The following ARFIP1 variants were observed in gnomAD, a reference collection of about 807,000 sequenced individuals.
The protein encoded by ARFIP1 is ARF interacting protein 1, also known as arfaptin-1.
In ARFIP1, 24 loss-of-function variants were observed where a neutral mutation model predicts 42.5. The ratio of observed to expected loss-of-function variants is 0.57; its 90% CI spans 0.41 to 0.80. ARFIP1 has a LOEUF of 0.80. ARFIP1 is among the 30% of genes least tolerant of loss of function. ARFIP1 has a pLI of 0.00. For synonymous variants in ARFIP1, 141 were observed against 153.7 expected (o/e 0.92, Z 0.61); for missense variants, 354 against 434.0 (o/e 0.82, Z 1.64).
intron 1 of ARFIP1, among the ~76,000 whole-genome samples, chr4:152,781,532 C>T (rs915560880): frequency 1.3e-5 from 2 of 152,206 alleles, no homozygotes; most frequent in Middle Eastern, 3.2e-3. Context: ...CCACCGCGCC[C>T]GGCCGAATTG....
intron 8 of ARFIP1, among the ~76,000 whole-genome samples, chr4:152,895,376 T>C (rs190320989): frequency 6.6e-6 from 1 of 152,094 alleles, no homozygotes; most frequent in Admixed American, 6.6e-5. Context: ...GATGGAGTGG[T>C]CTTTTTATTT....
In ARFIP1 at chr4:152,789,427, T is replaced by C. The variant is rs146623317; in HGVS notation, c.-10+9201T>C. 2.8e-3 allele frequency among the ~76,000 whole-genome samples: 420 copies of C among 152,286 alleles called. 3 individuals carry two copies. The highest frequency in any genetic ancestry group is 9.8e-3 in the African/African-American group (407 of 41,568). ...TATTAATATGACAGTACCATTGATA[T>C]TAACCTTGACTACTTGGCTTGAGAT... On this transcript the variant is annotated intron_variant, in intron 1 of 8. Coordinates refer to ENST00000353617, the MANE Select transcript of ARFIP1 (RefSeq NM_001025595.3).
intron 1 of ARFIP1, among the ~76,000 whole-genome samples, chr4:152,823,772 A>G (rs557476592): frequency 4.1e-5 from 3 of 72,396 alleles, no homozygotes; most frequent in Non-Finnish European, 7.3e-5. Context: ...GCAAGTCTCC[A>G]TCTCAAAAAA....
chr4:152,867,578 A>C (rs1406997295), intron 3 of ARFIP1, among the ~76,000 whole-genome samples: 1 of 152,186 alleles, frequency 6.6e-6, no homozygotes, highest in Admixed American at 6.5e-5. Context: ...TACTTGTAAA[A>C]GCAATCTTTT....
chr4:152,804,301 TATATATATATAACATAACATGTA>T, intron 1 of ARFIP1, among the ~76,000 whole-genome samples: 1 of 24,352 alleles, frequency 4.1e-5, no homozygotes. Flanking sequence ...TTATATATAT[TATATATATATAACATAACATGTA>T]TTATATATAT....
chr4:152,829,211 C>G (rs1280982031), intron 1 of ARFIP1, among the ~76,000 whole-genome samples: 7 of 152,168 alleles, frequency 4.6e-5, no homozygotes, highest in Non-Finnish European at 1.0e-4. Flanking sequence ...AGCTAGTGAT[C>G]TGTTACCAAC....
intron 1 of ARFIP1, among the ~76,000 whole-genome samples, chr4:152,813,843 G>GA (rs1228361063): frequency 6.6e-6 from 1 of 152,010 alleles, no homozygotes; most frequent in Non-Finnish European, 1.5e-5. Flanking sequence ...AGGCAAAAGG[G>GA]AAAAAATAGG....
chr4:152,832,233 A>G (rs1403505285), intron 2 of ARFIP1, among the ~76,000 whole-genome samples: 1 of 152,192 alleles, frequency 6.6e-6, no homozygotes, highest in African/African-American at 2.4e-5. Context: ...TAGTTGTTCC[A>G]CATCCTTACT....
At chr4:152,880,882 A>C in intron 5 of ARFIP1, 81 bp from the exon 6 acceptor site, 1 of 1,115,076 alleles carries the variant, frequency 9.0e-7, no homozygotes, top group East Asian at 2.4e-5. Flanking sequence ...TGAATCCAAA[A>C]AATGGTGTAT....
At chr4:152,811,384 T>C (rs888198614) in intron 1 of ARFIP1, among the ~76,000 whole-genome samples, 3 of 152,126 alleles carry the variant, frequency 2.0e-5, no homozygotes, top group Admixed American at 1.3e-4. Context: ...CATTATAGTG[T>C]GTGGTATCTC....
chr4:152,803,350 A>G (rs750482659), intron 1 of ARFIP1, among the ~76,000 whole-genome samples: 1 of 152,220 alleles, frequency 6.6e-6, no homozygotes, highest in African/African-American at 2.4e-5. Flanking sequence ...AATTTATAGC[A>G]TCAGGCAATT....
At chr4:152,890,616 G>A (rs1162758953) in intron 8 of ARFIP1, among the ~76,000 whole-genome samples, 2 of 152,112 alleles carry the variant, frequency 1.3e-5, no homozygotes, top group Non-Finnish European at 1.5e-5. Flanking sequence ...GACAGGGGTC[G>A]GAAAACTAAA....
At position 152,795,820 on chromosome 4, in the gene ARFIP1, A is replaced by ATTTTTTTTTTTTTTT. The variant is rs56845391; in HGVS notation, c.-10+15612_-10+15626dup. ...CGATTGTTACTTGAGGGCCCTTGTA[A>ATTTTTTTTTTTTTTT]TTTTTTTTTTTTTTTTTTTTTTTTT... On this transcript the variant is annotated intron_variant, in intron 1 of 8. Coordinates refer to ENST00000353617, the MANE Select transcript of ARFIP1 (RefSeq NM_001025595.3). Among the ~76,000 whole-genome samples the ATTTTTTTTTTTTTTT allele has an allele frequency of 4.8e-3, 134 of 28,050 alleles. 8 individuals are homozygous for ATTTTTTTTTTTTTTT. The highest frequency in any genetic ancestry group is 6.2e-3 in the Non-Finnish European group (100 of 16,212). 18.4% of individuals were successfully genotyped at this position (28,050 alleles called of 152,430 possible). A position where few individuals can be genotyped will look rare whatever the true frequency, so the allele number is the denominator to read the frequency against.
At chr4:152,829,525 TA>T (rs201260045) in intron 1 of ARFIP1, 99 bp from the exon 2 acceptor site, 22,469 of 667,084 alleles carry the variant, frequency 0.034, 580 homozygotes, top group South Asian at 0.1. Flanking sequence ...GTTGCAATGA[TA>T]AAAAATATTA....
intron 5 of ARFIP1, among the ~76,000 whole-genome samples, chr4:152,874,280 CT>C (rs1735139396): frequency 6.6e-6 from 1 of 152,134 alleles, no homozygotes; most frequent in African/African-American, 2.4e-5. Flanking sequence ...AATGACAACT[CT>C]TTAAAATGTT....
At chr4:152,898,838 T>C (rs563288984) in intron 8 of ARFIP1, among the ~76,000 whole-genome samples, 24 of 152,338 alleles carry the variant, frequency 1.6e-4, no homozygotes, top group Non-Finnish European at 2.8e-4. Flanking sequence ...TGTAAACTTC[T>C]GTTGAATCAT....
At chr4:152,822,110 G>C (rs1298463070) in intron 1 of ARFIP1, among the ~76,000 whole-genome samples, 1 of 152,016 alleles carries the variant, frequency 6.6e-6, no homozygotes, top group African/African-American at 2.4e-5. Flanking sequence ...AAAAGATACA[G>C]ATTGGCAGAA....
In ARFIP1 at chr4:152,840,438, A is replaced by T. The variant is rs185453595; in HGVS notation, c.93+10712A>T. 5.3e-5 allele frequency among the ~76,000 whole-genome samples: 8 copies of T among 152,274 alleles called. No homozygotes were observed. The East Asian group carries it at 1.5e-3, about 29-fold the overall frequency. ...CTATAAATTTGGGAGCTCCAGTGTTAGGTGCATATTTGTGTAGGATTGTGA... is the reference window on the plus strand; with the variant it reads ...CTATAAATTTGGGAGCTCCAGTGTTTGGTGCATATTTGTGTAGGATTGTGA... On this transcript the variant is annotated intron_variant, in intron 2 of 8. Coordinates refer to ENST00000353617, the MANE Select transcript of ARFIP1 (RefSeq NM_001025595.3).
intron 1 of ARFIP1, among the ~76,000 whole-genome samples, chr4:152,782,223 G>GGT (rs71598214): frequency 0.28 from 40,902 of 148,080 alleles, 5,956 homozygotes; most frequent in Non-Finnish European, 0.35. Flanking sequence ...AACAGGTAGG[G>GGT]GTGTGTGTGT....
Sources: gnomAD v4.1 joint callset for allele counts (sites outside exome capture counted in the v4.1 genomes callset) on GRCh38, gnomAD v4.1.1 for gene constraint, MANE v1.5 for transcripts, NCBI Gene and HGNC (gene_info 2026-07-23, HGNC 2026-07-21) for gene names.